The following NSL1 variants were observed in gnomAD, a reference collection of about 807,000 sequenced individuals.
NSL1 encodes the protein kinetochore-associated protein NSL1 homolog.
NSL1 carries 11 observed loss-of-function variants against 25.4 expected under a neutral mutation model. The observed-to-expected ratio is 0.43, with a 90% CI of 0.27 to 0.72. The LOEUF is 0.72. Ranked by LOEUF, NSL1 falls within the 30% of genes least tolerant of loss-of-function variation. The probability of loss-of-function intolerance (pLI) is 0.19; values close to 1 mark genes in which losing one functional copy is unlikely to be tolerated. For synonymous variants in NSL1, 118 were observed against 120.6 expected, an observed-to-expected ratio of 0.98 and a Z score of 0.14; for missense variants, 330 against 342.7, an observed-to-expected ratio of 0.96 and a Z score of 0.29.
rs1657945450 is a variant in NSL1, at chr1:212,729,988, C to T, written c.*8420G>A. On this transcript the variant is annotated 3_prime_UTR_variant, in exon 6 of 6. Transcript: ENST00000366977. ...GAAATGGGCCGGGCGTGGCGGCTCA[C>T]TCCTGTAATCACAGCACTTTGGGAG... The T allele has an allele frequency of 2.0e-6, 2 of 984,762 alleles. No individual in the cohort carries two copies. The highest frequency in any genetic ancestry group is 4.7e-5 in the South Asian group (1 of 21,262). 61.0% of individuals were successfully genotyped at this position (984,762 alleles called of 1,614,324 possible). A position where few individuals can be genotyped will look rare whatever the true frequency, so the allele number is the denominator to read the frequency against.
Position 212,760,346 on chromosome 1 carries a change from C to T in NSL1, c.500-20745G>A, listed in dbSNP as rs1236410378. ...GTGTCTGAGAGCGCCATCTAGGGGC[C>T]CAGGAATAGCCTCATTCTGTCTGTT... On this transcript the variant is annotated intron_variant, in intron 4 of 5. Coordinates refer to ENST00000366977, the MANE Select transcript of NSL1 (RefSeq NM_015471.4). This position sits in a 1 kb window ranked among gnomAD's most constrained non-coding sequence, Gnocchi z 4.3. Among the ~76,000 whole-genome samples the T allele has an allele frequency of 6.6e-6, 1 of 152,102 alleles. No individual in the cohort carries two copies. The highest frequency in any genetic ancestry group is 1.5e-5 in the Non-Finnish European group (1 of 68,032).
rs1174927811 is a variant in NSL1 at position 212,734,091 on chromosome 1, T to C, written c.*4317A>G. ...TTTTCAAAAACTTTTTCTTATTTAC[T>C]GAACATTATTTAATAGCATTCCGAT... On this transcript the variant is annotated 3_prime_UTR_variant, in exon 6 of 6. Coordinates refer to ENST00000366977, the MANE Select transcript of NSL1 (RefSeq NM_015471.4). 6.6e-6 allele frequency among the ~76,000 whole-genome samples: 1 copy of C among 152,246 alleles called. No individual in the cohort carries two copies. The highest frequency in any genetic ancestry group is 2.4e-5 in the African/African-American group (1 of 41,476).
intron 4 of NSL1, among the ~76,000 whole-genome samples, chr1:212,767,516 A>T (rs114710215): frequency 0.019 from 2,920 of 152,346 alleles, 80 homozygotes; most frequent in African/African-American, 0.065. Context: ...TTAGGCAAAG[A>T]ATTCATGACT....
chr1:212,755,980 G>A (rs946558844), intron 4 of NSL1, among the ~76,000 whole-genome samples: 7 of 152,082 alleles, frequency 4.6e-5, no homozygotes, highest in Admixed American at 2.6e-4. Flanking sequence ...AAAATGTCCA[G>A]TGCATATTTA....
chr1:212,732,159 C>T lies in NSL1; in HGVS notation c.*6249G>A, dbSNP rs1658045133. 3.0e-6 allele frequency: 3 copies of T among 984,642 alleles called. No individual in the cohort carries two copies. Among genetic ancestry groups the T allele is most frequent in the Non-Finnish European group, 3.6e-6 (3 of 829,620 alleles). 61.0% of individuals were successfully genotyped at this position (984,642 alleles called of 1,614,324 possible). A position where few individuals can be genotyped will look rare whatever the true frequency, so the allele number is the denominator to read the frequency against. ...TTTTTTGTACAGCTTTCTGCCTCTACTGTAGTGAATAACTGCCTTATTTTT... is the reference window on the plus strand; with the variant it reads ...TTTTTTGTACAGCTTTCTGCCTCTATTGTAGTGAATAACTGCCTTATTTTT... On this transcript the variant is annotated 3_prime_UTR_variant, in exon 6 of 6. Coordinates refer to ENST00000366977, the MANE Select transcript of NSL1 (RefSeq NM_015471.4).
chr1:212,745,189 T>C (rs1203351884), intron 4 of NSL1, among the ~76,000 whole-genome samples: 1 of 22,372 alleles, frequency 4.5e-5, no homozygotes, highest in Non-Finnish European at 1.5e-4. Context: ...TATATATATA[T>C]ATATATATAT....
chr1:212,746,909 G>C (rs1019540209), intron 4 of NSL1, among the ~76,000 whole-genome samples: 8 of 152,220 alleles, frequency 5.3e-5, no homozygotes, highest in African/African-American at 1.7e-4. Flanking sequence ...ACTTTGGGAG[G>C]CTGAGGTGGG....
intron 4 of NSL1, among the ~76,000 whole-genome samples, chr1:212,757,416 T>C (rs1659366185): frequency 6.6e-6 from 1 of 152,174 alleles, no homozygotes; most frequent in Non-Finnish European, 1.5e-5. Context: ...AGGGTGTTAG[T>C]CTGTTTTATT....
In NSL1 at chr1:212,727,454, A is replaced by C. The variant is rs1657835440; in HGVS notation, c.*10954T>G. 7 of 985,320 alleles carry C rather than the reference A, an allele frequency of 7.1e-6. No homozygotes were observed. Among genetic ancestry groups the C allele is most frequent in the Non-Finnish European group, 7.2e-6 (6 of 829,934 alleles). 61.0% of individuals were successfully genotyped at this position (985,320 alleles called of 1,614,324 possible). ...GACATTACCTAAATTTGGAAAAGTG[A>C]CACAATTTCAAGCAGCAGTCAACTA... On this transcript the variant is annotated 3_prime_UTR_variant, in exon 6 of 6. Coordinates refer to ENST00000366977, the MANE Select transcript of NSL1 (RefSeq NM_015471.4).
At position 212,782,510 on chromosome 1, in the gene NSL1, A is replaced by G; in HGVS notation, c.445-84T>C. 6.2e-6 allele frequency: 6 copies of G among 970,128 alleles called. No individual in the cohort carries two copies. In the South Asian group the frequency reaches 6.5e-5, roughly 11 times the overall value. The allele number at this position is 970,128 out of a possible 1,614,324, so 60.1% of individuals were successfully genotyped here. ...TTTCAGCTAATATGGGAGATATACTATAGAGTCAGTACCATTCTTTTGAGG... is the reference window on the plus strand; with the variant it reads ...TTTCAGCTAATATGGGAGATATACTGTAGAGTCAGTACCATTCTTTTGAGG... On this transcript the variant is annotated intron_variant, in intron 3 of 5. Coordinates refer to ENST00000366977, the MANE Select transcript of NSL1 (RefSeq NM_015471.4).
In NSL1 at chr1:212,731,648, G is replaced by C; in HGVS notation, c.*6760C>G. 1.0e-6 allele frequency: 1 copy of C among 985,282 alleles called. No homozygotes were observed. The highest frequency in any genetic ancestry group is 4.7e-5 in the South Asian group (1 of 21,282). The allele number at this position is 985,282 out of a possible 1,614,324, so 61.0% of individuals were successfully genotyped here. A position where few individuals can be genotyped will look rare whatever the true frequency, so the allele number is the denominator to read the frequency against. On this transcript the variant is annotated 3_prime_UTR_variant, in exon 6 of 6. Transcript: ENST00000366977. ...CCACAGAGTTAATACTTCCCACTTC[G>C]TCAGCTCTTTATTCTGCTGCACTAA...
At chr1:212,770,223 C>A in intron 4 of NSL1, among the ~76,000 whole-genome samples, 1 of 151,886 alleles carries the variant, frequency 6.6e-6, no homozygotes, top group African/African-American at 2.4e-5. Flanking sequence ...AGAGAGACAC[C>A]AACACAATAG....
Position 212,774,053 on chromosome 1 carries a change from G to C in NSL1, c.499+8319C>G, listed in dbSNP as rs1401728677. On this transcript the variant is annotated intron_variant, in intron 4 of 5. Transcript: ENST00000366977. ...ACCAGAGGCTGGGAAGGGTATGTGC[G>C]GAGCGGGGAAGGGAGTATGGAGAGG... 3.9e-5 allele frequency among the ~76,000 whole-genome samples: 6 copies of C among 152,102 alleles called. No homozygotes were observed. In the East Asian group the frequency reaches 9.6e-4, roughly 24 times the overall value.
chr1:212,766,324 C>T (rs760683530), intron 4 of NSL1: 4 of 515,528 alleles, frequency 7.8e-6, no homozygotes, highest in Admixed American at 7.1e-5. Flanking sequence ...CAACATAGTA[C>T]TCAGCCAGAG....
At chr1:212,742,494 A>T (rs1332224291) in intron 4 of NSL1, among the ~76,000 whole-genome samples, 1 of 152,222 alleles carries the variant, frequency 6.6e-6, no homozygotes, top group Non-Finnish European at 1.5e-5. Flanking sequence ...TGTCCTTATT[A>T]AAAGTGTAGT....
At chr1:212,791,402 C>G (rs1172490393) in intron 1 of NSL1, 128 bp downstream of exon 1, 1 of 827,044 alleles carries the variant, frequency 1.2e-6, no homozygotes, top group Non-Finnish European at 2.0e-6. Flanking sequence ...GTTTCTCGAA[C>G]TGGTTCTACA....
At chr1:212,775,676 A>G (rs1256169480) in intron 4 of NSL1, among the ~76,000 whole-genome samples, 1 of 152,136 alleles carries the variant, frequency 6.6e-6, no homozygotes, top group Non-Finnish European at 1.5e-5. Flanking sequence ...ACAGACTTTT[A>G]AAGTATCTAC....
intron 4 of NSL1, among the ~76,000 whole-genome samples, chr1:212,778,587 G>C (rs926857880): frequency 6.6e-6 from 1 of 152,180 alleles, no homozygotes; most frequent in Non-Finnish European, 1.5e-5. Flanking sequence ...TTTTGGTGGA[G>C]ACGGGGTTTC....
chr1:212,774,347 C>T (rs1660260684), intron 4 of NSL1, among the ~76,000 whole-genome samples: 1 of 152,018 alleles, frequency 6.6e-6, no homozygotes, highest in Non-Finnish European at 1.5e-5. Flanking sequence ...CAAAATATCA[C>T]ATGTACCCCA....
Sources: allele counts gnomAD v4.1 joint callset (sites outside exome capture counted in the v4.1 genomes callset), GRCh38; gene constraint gnomAD v4.1.1; non-coding constraint Gnocchi (gnomAD v3.1); transcripts MANE v1.5; gene names NCBI Gene and HGNC (gene_info 2026-07-23, HGNC 2026-07-21).